Variants in ZNF292 observed in about 807,000 individuals in gnomAD.
The protein encoded by ZNF292 is 16 zinc-finger domain protein.
Under a neutral mutation model 217.9 loss-of-function variants are expected in ZNF292, and 26 were observed. The ratio of observed to expected loss-of-function variants is 0.12; its 90% CI spans 0.09 to 0.17. The LOEUF is 0.17. Among genes scored for constraint, ZNF292 ranks in the 10% least tolerant of loss-of-function variants. The pLI is 1.00. For synonymous variants in ZNF292, 1,257 were observed against 1,124.1 expected (o/e 1.12, Z -2.37); for missense variants, 2,904 against 3,175.2 (o/e 0.91, Z 2.05).
At chr6:87,231,026 A>G (rs1370823953) in intron 4 of ZNF292, among the ~76,000 whole-genome samples, 1 of 152,206 alleles carries the variant, frequency 6.6e-6, no homozygotes, top group African/African-American at 2.4e-5. Context: ...CTACTCAAAG[A>G]TAAGTCTGAG....
chr6:87,195,514 G>A (rs1320703343), intron 1 of ZNF292, among the ~76,000 whole-genome samples: 1 of 152,134 alleles, frequency 6.6e-6, no homozygotes, highest in East Asian at 1.9e-4. Flanking sequence ...GCACCTTGAG[G>A]TGTTGCAGAA....
rs1342647685 is a variant in ZNF292 at position 87,263,022 on chromosome 6, G to C, written c.*1221G>C. On this transcript the variant is annotated 3_prime_UTR_variant, in exon 8 of 8. Transcript: ENST00000369577. ...TATAGATGTTAGATTGTACAGATTT[G>C]TCTGTATTTCTCACCATATCTAATG... is the stretch of plus-strand genomic sequence containing the variant. 6.6e-6 allele frequency: 1 copy of C among 151,922 alleles called. No homozygotes were observed. Among genetic ancestry groups the C allele is most frequent in the Non-Finnish European group, 1.5e-5 (1 of 67,852 alleles). The allele number at this position is 151,922 out of a possible 1,614,324, so 9.4% of individuals were successfully genotyped here.
chr6:87,206,898 C>G (rs996433199), intron 1 of ZNF292, among the ~76,000 whole-genome samples: 1 of 152,114 alleles, frequency 6.6e-6, no homozygotes, highest in Non-Finnish European at 1.5e-5. Context: ...GGTAGTTTAC[C>G]TTGAAAAAGA....
In ZNF292 at chr6:87,264,378, A is replaced by G. The variant is rs1205293460; in HGVS notation, c.*2577A>G. 1.3e-5 allele frequency among the ~76,000 whole-genome samples: 2 copies of G among 152,240 alleles called. No homozygotes were observed. The highest frequency in any genetic ancestry group is 1.9e-4 in the East Asian group (1 of 5,202). On this transcript the variant is annotated 3_prime_UTR_variant, in exon 8 of 8. Coordinates refer to ENST00000369577, the MANE Select transcript of ZNF292 (RefSeq NM_015021.3). ...AATGTAACAGTTTTTGAAATTTTCA[A>G]CGGTGTTAAATTTAACATAGGTACA...
rs1352509878 is a variant in ZNF292, at chr6:87,243,755, CTTA to C, written c.878+149_878+151del. ...ATTTAGATATTACATGCTGTGCAAA[CTTA>C]TTATCGAGTAGTTGTTACAACTCAA... On this transcript the variant is annotated intron_variant, in intron 6 of 7. Transcript: ENST00000369577. 9 of 782,024 alleles carry C rather than the reference CTTA, an allele frequency of 1.2e-5. No individual in the cohort carries two copies. In the East Asian group the frequency reaches 2.5e-4, roughly 22 times the overall value. 48.4% of individuals were successfully genotyped at this position (782,024 alleles called of 1,614,324 possible). A position where few individuals can be genotyped will look rare whatever the true frequency, so the allele number is the denominator to read the frequency against.
intron 7 of ZNF292, among the ~76,000 whole-genome samples, chr6:87,248,929 T>C (rs1430733928): frequency 6.6e-6 from 1 of 152,220 alleles, no homozygotes; most frequent in Non-Finnish European, 1.5e-5. Context: ...TTTTAGTTGC[T>C]GAGTAGCTCC....
chr6:87,173,233 A>C (rs1771165357), intron 1 of ZNF292: 1 of 152,128 alleles, frequency 6.6e-6, no homozygotes, highest in Non-Finnish European at 1.5e-5. Flanking sequence ...CTCCTTATCA[A>C]GTGTTCCCTG....
At chr6:87,202,200 A>G (rs1280287393) in intron 1 of ZNF292, among the ~76,000 whole-genome samples, 1 of 152,082 alleles carries the variant, frequency 6.6e-6, no homozygotes, top group Non-Finnish European at 1.5e-5. Flanking sequence ...TGGTATTTCC[A>G]TTTATGCACC....
intron 5 of ZNF292, among the ~76,000 whole-genome samples, chr6:87,241,061 G>C (rs1458173785): frequency 6.6e-6 from 1 of 152,172 alleles, no homozygotes; most frequent in African/African-American, 2.4e-5. Flanking sequence ...GAGGCAGGTG[G>C]ATCACGAGGT....
In ZNF292 at chr6:87,258,577, A is replaced by C. The variant is rs765288726; in HGVS notation, c.4948A>C (p.Ser1650Arg). Reference sequence around the variant, plus strand: ...TAACGCTTCCCAAAACTTGGTAACAAGTGACTTAACAACAATGGGACTCAT... The same window carrying C: ...TAACGCTTCCCAAAACTTGGTAACACGTGACTTAACAACAATGGGACTCAT... The part of the protein sequence containing the change: ...APNASQNLVT[S>R]DLTTMGLIAK... The change falls in exon 8 of 8, where the codon AGT becomes CGT. Residue 1650 changes from serine (S) to arginine (R), a missense_variant. Physicochemically the swap from Ser to Arg is moderately radical, Grantham distance 110. Around this residue, in one of 15 missense-constraint regions of ZNF292, gnomAD observed 622 missense variants for 573.1 expected, o/e 1.09. Transcript: ENST00000369577. 2.5e-6 allele frequency: 4 copies of C among 1,613,734 alleles called. No homozygotes were observed. The South Asian group carries it at 3.3e-5, about 13-fold the overall frequency.
chr6:87,262,629 A>G lies in ZNF292; in HGVS notation c.*828A>G, dbSNP rs1179902517. ...TTTAAACATTTGGTATTAAAAAAAA[A>G]TCCTTTGTGAATGTGATAGAAAACT... On this transcript the variant is annotated 3_prime_UTR_variant, in exon 8 of 8. Transcript: ENST00000369577. 1 of 152,000 alleles carries G rather than the reference A, an allele frequency of 6.6e-6. No homozygotes were observed. Among genetic ancestry groups the G allele is most frequent in the East Asian group, 1.9e-4 (1 of 5,192 alleles). The allele number at this position is 152,000 out of a possible 1,614,324, so 9.4% of individuals were successfully genotyped here. A position where few individuals can be genotyped will look rare whatever the true frequency, so the allele number is the denominator to read the frequency against.
At chr6:87,180,690 A>G (rs2127777883) in intron 1 of ZNF292, among the ~76,000 whole-genome samples, 1 of 151,696 alleles carries the variant, frequency 6.6e-6, no homozygotes, top group South Asian at 2.1e-4. Context: ...CAGCAACCAC[A>G]GGGAGAACTA....
intron 1 of ZNF292, among the ~76,000 whole-genome samples, chr6:87,160,187 T>C (rs1770686240): frequency 6.6e-6 from 1 of 152,236 alleles, no homozygotes; most frequent in Admixed American, 6.5e-5. Flanking sequence ...ATATATTTTA[T>C]CACTGAGGTG....
intron 5 of ZNF292, among the ~76,000 whole-genome samples, chr6:87,236,763 C>T (rs1773925253): frequency 6.6e-6 from 1 of 152,202 alleles, no homozygotes; most frequent in Non-Finnish European, 1.5e-5. Context: ...CGCATACACA[C>T]TCCCTGGTTG....
rs996192725 is a variant in ZNF292, at chr6:87,262,445, C to T, written c.*644C>T. 1.1e-4 allele frequency: 16 copies of T among 151,658 alleles called. No homozygotes were observed. Among genetic ancestry groups the T allele is most frequent in the African/African-American group, 3.9e-4 (16 of 41,342 alleles). The allele number at this position is 151,658 out of a possible 1,614,324, so 9.4% of individuals were successfully genotyped here. A position where few individuals can be genotyped will look rare whatever the true frequency, so the allele number is the denominator to read the frequency against. ...TGCTCTGCTTTGTAAATTTGCCATC[C>T]AGGATTTTGGGGTGGTATTCATGTG... On this transcript the variant is annotated 3_prime_UTR_variant, in exon 8 of 8. Coordinates refer to ENST00000369577, the MANE Select transcript of ZNF292 (RefSeq NM_015021.3).
chr6:87,228,012 C>T (rs1013446291), intron 4 of ZNF292, among the ~76,000 whole-genome samples: 1 of 152,110 alleles, frequency 6.6e-6, no homozygotes, highest in African/African-American at 2.4e-5. Flanking sequence ...TTTTGAGGAA[C>T]TTCTGTACTG....
intron 4 of ZNF292, among the ~76,000 whole-genome samples, chr6:87,228,708 T>G (rs1773495931): frequency 6.6e-6 from 1 of 152,210 alleles, no homozygotes; most frequent in South Asian, 2.1e-4. Flanking sequence ...TTGAGTCACC[T>G]TGGCACCCTT....
chr6:87,170,925 G>A (rs1458681846), intron 1 of ZNF292, among the ~76,000 whole-genome samples: 2 of 152,132 alleles, frequency 1.3e-5, no homozygotes, highest in African/African-American at 2.4e-5. Context: ...TTAAATGATT[G>A]TTGTAATATA....
rs558821984 is a variant in ZNF292, at chr6:87,156,445, C to G, written c.168+686C>G. On this transcript the variant is annotated intron_variant, in intron 1 of 7. Coordinates refer to ENST00000369577, the MANE Select transcript of ZNF292 (RefSeq NM_015021.3). ...CACTTCTGTGGTAAAGCTTTATCTCCTTAGTGTAGAGGAGCTGTGCCTGTA... is the reference window on the plus strand; with the variant it reads ...CACTTCTGTGGTAAAGCTTTATCTCGTTAGTGTAGAGGAGCTGTGCCTGTA... Among the ~76,000 whole-genome samples, 10 of 152,328 alleles carry G rather than the reference C, an allele frequency of 6.6e-5. No homozygotes were observed. In the East Asian group the frequency reaches 1.7e-3, roughly 26 times the overall value.
Sources: allele counts gnomAD v4.1 joint callset (sites outside exome capture counted in the v4.1 genomes callset), GRCh38; gene constraint gnomAD v4.1.1; regional missense constraint gnomAD v4.1.1; transcripts MANE v1.5; gene names NCBI Gene and HGNC (gene_info 2026-07-23, HGNC 2026-07-21).